Variants in SCAMP1 observed in about 807,000 individuals in gnomAD.
The protein encoded by SCAMP1 is secretory carrier membrane protein 1, also known as secretory carrier-associated membrane protein 1.
SCAMP1 carries 15 observed loss-of-function variants against 41.8 expected under a neutral mutation model. The observed-to-expected ratio is 0.36, with a 90% CI of 0.24 to 0.55. The LOEUF is 0.55. SCAMP1 is among the 20% of genes least tolerant of loss of function. The pLI is 0.86. For synonymous variants in SCAMP1, 135 were observed against 136.8 expected (o/e 0.99, Z 0.09); for missense variants, 341 against 412.6 (o/e 0.83, Z 1.50).
chr5:78,443,015 GC>G (rs1752964553), intron 6 of SCAMP1, among the ~76,000 whole-genome samples: 1 of 152,004 alleles, frequency 6.6e-6, no homozygotes, highest in South Asian at 2.1e-4. Context: ...GACCATCTTG[GC>G]TAACACGGTG....
intron 1 of SCAMP1, among the ~76,000 whole-genome samples, chr5:78,381,400 G>A (rs577363397): frequency 6.6e-6 from 1 of 152,360 alleles, no homozygotes; most frequent in East Asian, 1.9e-4. Context: ...TACTGGTTTT[G>A]TAGATGATGG....
intron 2 of SCAMP1, among the ~76,000 whole-genome samples, chr5:78,413,609 G>A (rs1752136407): frequency 6.6e-6 from 1 of 152,210 alleles, no homozygotes; most frequent in Admixed American, 6.5e-5. Flanking sequence ...GTAGAGACGA[G>A]GTTTCACCAT....
At chr5:78,419,197 A>G (rs1360205830) in intron 5 of SCAMP1, among the ~76,000 whole-genome samples, 1 of 152,184 alleles carries the variant, frequency 6.6e-6, no homozygotes, top group African/African-American at 2.4e-5. Flanking sequence ...TTTTTCCTTG[A>G]AAGATGTTAT....
At chr5:78,437,095 G>T (rs1283314527) in intron 6 of SCAMP1, among the ~76,000 whole-genome samples, 3 of 152,190 alleles carry the variant, frequency 2.0e-5, no homozygotes, top group African/African-American at 7.2e-5. Flanking sequence ...TGCTGAAGTT[G>T]CTTATCAGCT....
At chr5:78,411,235 G>C (rs1752067865) in intron 2 of SCAMP1, among the ~76,000 whole-genome samples, 1 of 152,072 alleles carries the variant, frequency 6.6e-6, no homozygotes, top group East Asian at 1.9e-4. Context: ...GAATGGTATT[G>C]CCTAGGTTTT....
At chr5:78,447,028 C>G (rs1444683687) in intron 6 of SCAMP1, among the ~76,000 whole-genome samples, 1 of 152,212 alleles carries the variant, frequency 6.6e-6, no homozygotes, top group Non-Finnish European at 1.5e-5. Context: ...GTCACATCAA[C>G]AGTGGCATTA....
intron 6 of SCAMP1, among the ~76,000 whole-genome samples, chr5:78,440,684 C>T (rs897570602): frequency 1.4e-4 from 22 of 152,158 alleles, no homozygotes; most frequent in South Asian, 2.1e-4. Context: ...GCAGTCCGTC[C>T]GTCCTCAGAT....
chr5:78,418,760 A>G lies in SCAMP1; in HGVS notation c.344-15A>G. 1.4e-6 allele frequency: 2 copies of G among 1,429,610 alleles called. No individual in the cohort carries two copies. Among genetic ancestry groups the G allele is most frequent in the South Asian group, 2.7e-5 (2 of 73,796 alleles). 88.6% of individuals were successfully genotyped at this position (1,429,610 alleles called of 1,614,324 possible). A position where few individuals can be genotyped will look rare whatever the true frequency, so the allele number is the denominator to read the frequency against. On this transcript the variant is annotated splice_polypyrimidine_tract_variant and intron_variant, in intron 4 of 8. Coordinates refer to ENST00000621999, the MANE Select transcript of SCAMP1 (RefSeq NM_004866.6). Reference sequence around the variant, plus strand: ...AATATAAATAACCTTTTCTTTTTCTAAAAAAAATTTACAGGTAGAAAAAAT... The same window carrying G: ...AATATAAATAACCTTTTCTTTTTCTGAAAAAAATTTACAGGTAGAAAAAAT...
chr5:78,410,763 A>G (rs923301578), intron 2 of SCAMP1, among the ~76,000 whole-genome samples: 1 of 152,242 alleles, frequency 6.6e-6, no homozygotes, highest in Non-Finnish European at 1.5e-5. Context: ...ACTCACACCA[A>G]CAGTATAAAA....
In SCAMP1 at chr5:78,388,930, C is replaced by T; in HGVS notation, c.135+16C>T. 1 of 1,293,660 alleles carries T rather than the reference C, an allele frequency of 7.7e-7. No homozygotes were observed. The highest frequency in any genetic ancestry group is 1.1e-6 in the Non-Finnish European group (1 of 925,252). The allele number at this position is 1,293,660 out of a possible 1,614,324, so 80.1% of individuals were successfully genotyped here. On this transcript the variant is annotated intron_variant, in intron 2 of 8. Transcript: ENST00000621999. ...TTCTAGAACAGTAAGATTATTCTTG[C>T]TTTTAAATGTTTAAATTGAAATTCA...
intron 7 of SCAMP1, among the ~76,000 whole-genome samples, chr5:78,450,430 G>C (rs901834842): frequency 6.6e-6 from 1 of 152,172 alleles, no homozygotes; most frequent in Non-Finnish European, 1.5e-5. Context: ...TATACAAACA[G>C]ATATATTTTT....
At chr5:78,463,270 A>G (rs966553805) in intron 8 of SCAMP1, among the ~76,000 whole-genome samples, 2 of 152,200 alleles carry the variant, frequency 1.3e-5, no homozygotes, top group South Asian at 2.1e-4. Flanking sequence ...AGACTTTGCA[A>G]TGATGTTCTA....
Position 78,479,073 on chromosome 5 carries a change from G to A in SCAMP1, c.*3405G>A, listed in dbSNP as rs189138241. ...TAACATCTAATTCAGTATCCTTATT[G>A]GTACAAATCTGTGTTTGGCATGACT... On this transcript the variant is annotated 3_prime_UTR_variant, in exon 9 of 9. Transcript: ENST00000621999. The A allele has an allele frequency of 7.2e-5, 11 of 152,012 alleles. No homozygotes were observed. The highest frequency in any genetic ancestry group is 2.9e-5 in the Non-Finnish European group (2 of 67,900). 9.4% of individuals were successfully genotyped at this position (152,012 alleles called of 1,614,324 possible).
chr5:78,449,372 A>G (rs1561281506), intron 6 of SCAMP1, among the ~76,000 whole-genome samples: 1 of 152,186 alleles, frequency 6.6e-6, no homozygotes. Context: ...AGCTGTGCTG[A>G]GTAAAATAAG....
At chr5:78,403,079 C>T (rs1484123797) in intron 2 of SCAMP1, among the ~76,000 whole-genome samples, 1 of 152,152 alleles carries the variant, frequency 6.6e-6, no homozygotes, top group African/African-American at 2.4e-5. Context: ...CCATGTTGGC[C>T]ATGCTGGTCT....
At chr5:78,423,463 A>T (rs1752390694) in intron 6 of SCAMP1, among the ~76,000 whole-genome samples, 1 of 151,864 alleles carries the variant, frequency 6.6e-6, no homozygotes, top group Non-Finnish European at 1.5e-5. Context: ...TGGACATCTA[A>T]CCTCTGCCTA....
chr5:78,475,482 C>T (rs1753982837), intron 8 of SCAMP1, 22 bp from the exon 9 acceptor site: 2 of 1,529,816 alleles, frequency 1.3e-6, no homozygotes, highest in African/African-American at 1.4e-5. Context: ...TTACCTTCTC[C>T]CACTTTTTTG....
At chr5:78,453,825 A>G (rs1284211237) in intron 7 of SCAMP1, among the ~76,000 whole-genome samples, 1 of 150,846 alleles carries the variant, frequency 6.6e-6, no homozygotes, top group African/African-American at 2.4e-5. Flanking sequence ...TGAGCATGGA[A>G]TGTTCTTCCA....
At chr5:78,372,965 A>G (rs1007564459) in intron 1 of SCAMP1, among the ~76,000 whole-genome samples, 1 of 152,096 alleles carries the variant, frequency 6.6e-6, no homozygotes, top group South Asian at 2.1e-4. Context: ...TCCTGGAACT[A>G]TTAATATAAG....
Sources: gnomAD v4.1 joint callset for allele counts (sites outside exome capture counted in the v4.1 genomes callset) on GRCh38, gnomAD v4.1.1 for gene constraint, MANE v1.5 for transcripts, NCBI Gene and HGNC (gene_info 2026-07-23, HGNC 2026-07-21) for gene names.